Variants in FILIP1L observed in about 807,000 individuals in gnomAD.
FILIP1L encodes the protein filamin A interacting protein 1 like, also known as filamin A-interacting protein 1-like.
A neutral mutation model predicts 96.6 loss-of-function variants in FILIP1L; 55 were observed. That is an observed-to-expected ratio of 0.57 (90% CI 0.46 to 0.71). The LOEUF (loss-of-function observed/expected upper bound fraction) is 0.71. Ranked by LOEUF, FILIP1L falls within the 30% of genes least tolerant of loss-of-function variation. The pLI, the probability that FILIP1L is intolerant of heterozygous loss-of-function variation, is 0.00. For synonymous variants in FILIP1L, 467 were observed against 473.9 expected (o/e 0.99, Z 0.19); for missense variants, 1,304 against 1,321.2 (o/e 0.99, Z 0.20).
At chr3:99,966,345 T>C (rs1205996366) in intron 1 of FILIP1L, among the ~76,000 whole-genome samples, 4 of 152,128 alleles carry the variant, frequency 2.6e-5, no homozygotes, top group Admixed American at 2.0e-4. Context: ...GTTTCTTTCA[T>C]AGCCCCACTG....
At chr3:99,875,396 CT>C (rs1705460545) in intron 4 of FILIP1L, among the ~76,000 whole-genome samples, 1 of 152,124 alleles carries the variant, frequency 6.6e-6, no homozygotes, top group African/African-American at 2.4e-5. Flanking sequence ...AAATATTACT[CT>C]AGAAATGATA....
rs1286527134 is a variant in FILIP1L, at chr3:99,846,560, A to G, written c.3381+1735T>C. Among the ~76,000 whole-genome samples the G allele has an allele frequency of 3.3e-5, 5 of 152,346 alleles. No individual in the cohort carries two copies. The East Asian group carries it at 7.7e-4, about 24-fold the overall frequency. Reference sequence around the variant, plus strand: ...TTGTAATACAGTTGGGTCACTGTTGATTCCTAAGATAAATGTGTTTAAACA... The same window carrying G: ...TTGTAATACAGTTGGGTCACTGTTGGTTCCTAAGATAAATGTGTTTAAACA... On this transcript the variant is annotated intron_variant, in intron 5 of 5. Coordinates refer to ENST00000477258, the MANE Select transcript of FILIP1L (RefSeq NM_001387850.1).
At position 99,850,927 on chromosome 3, in the gene FILIP1L, G is replaced by T. The variant is rs529875731; in HGVS notation, c.749C>A (p.Thr250Lys). Residue 250 changes from threonine (T) to lysine (K), a missense_variant, in exon 5 of 6, where the codon ACG (threonine) becomes AAG (lysine). Physicochemically the swap from Thr to Lys is moderately conservative, Grantham distance 78. Coordinates refer to ENST00000477258, the MANE Select transcript of FILIP1L (RefSeq NM_001387850.1). ...CTGTCTTTGAAGGGTGAGCTGTGCCGTCAGCCTTTGCTGTTCATCCACCAC... is the reference window on the plus strand; with the variant it reads ...CTGTCTTTGAAGGGTGAGCTGTGCCTTCAGCCTTTGCTGTTCATCCACCAC... ...LMVVDEQQRL[T>K]AQLTLQRQKI... The T allele has an allele frequency of 3.6e-5, 58 of 1,614,008 alleles. No individual in the cohort carries two copies. The highest frequency in any genetic ancestry group is 8.3e-5 in the Admixed American group (5 of 60,000).
Position 99,931,014 on chromosome 3 carries a change from A to G in FILIP1L, c.7T>C (p.Ser3Pro), listed in dbSNP as rs1346793399. Residue 3 changes from serine (S) to proline (P), a missense_variant, in exon 2 of 6, where the codon TCC becomes CCC. Coordinates refer to ENST00000477258, the MANE Select transcript of FILIP1L (RefSeq NM_001387850.1). Reference protein sequence around the residue: MRSRGSDTEGSAQ... With the variant: MRPRGSDTEGSAQ... ...GAGCCCTCGGTATCACTGCCTCTGG[A>G]ACGCATTCTTTAAAGCCTGGAAGGA... 1.2e-6 allele frequency: 2 copies of G among 1,613,380 alleles called. No individual in the cohort carries two copies. The highest frequency in any genetic ancestry group is 1.7e-6 in the Non-Finnish European group (2 of 1,179,816).
At chr3:100,015,678 C>G (rs1710319861) in intron 1 of FILIP1L, among the ~76,000 whole-genome samples, 1 of 152,150 alleles carries the variant, frequency 6.6e-6, no homozygotes, top group East Asian at 1.9e-4. Flanking sequence ...GAAACTTGCT[C>G]TTAAATTTTC....
At chr3:99,998,132 G>A (rs866306785) in intron 1 of FILIP1L, among the ~76,000 whole-genome samples, 30 of 152,344 alleles carry the variant, frequency 2.0e-4, no homozygotes, top group Middle Eastern at 3.4e-3. Flanking sequence ...ACTACTGAAA[G>A]AGTTTCTAAT....
chr3:100,041,090 G>A (rs764182819), intron 1 of FILIP1L: 1 of 152,134 alleles, frequency 6.6e-6, no homozygotes, highest in Non-Finnish European at 1.5e-5. Context: ...AGTTGGATGT[G>A]ATCACAGAAG....
chr3:99,930,749 A>G lies in FILIP1L; in HGVS notation c.252+20T>C, dbSNP rs1413650571. The stretch of plus-strand genomic sequence containing the variant: ...GCCTTCTGTTTGAAGCATGATGGGG[A>G]TAACTCCAACCCAGCTGACCTGCAG... On this transcript the variant is annotated intron_variant, in intron 2 of 5. Coordinates refer to ENST00000477258, the MANE Select transcript of FILIP1L (RefSeq NM_001387850.1). 6.2e-7 allele frequency: 1 copy of G among 1,611,224 alleles called. No individual in the cohort carries two copies. Among genetic ancestry groups the G allele is most frequent in the Non-Finnish European group, 8.5e-7 (1 of 1,178,394 alleles).
chr3:99,871,626 T>C (rs1030692839), intron 4 of FILIP1L, among the ~76,000 whole-genome samples: 7 of 152,324 alleles, frequency 4.6e-5, no homozygotes, highest in Non-Finnish European at 8.8e-5. Context: ...GGAGGTTGTT[T>C]TGAAGGCATT....
chr3:99,898,166 A>C (rs142356921), intron 4 of FILIP1L: 1 of 152,358 alleles, frequency 6.6e-6, no homozygotes, highest in Non-Finnish European at 1.5e-5. Flanking sequence ...TAGATATGAT[A>C]CAATATTTTT....
chr3:99,830,364 T>A lies in FILIP1L; in HGVS notation c.*50A>T. On this transcript the variant is annotated 3_prime_UTR_variant, in exon 6 of 6. Transcript: ENST00000477258. The stretch of plus-strand genomic sequence containing the variant: ...GCCTTTCATAGTGGTAATTTTAGCT[T>A]TCCACATATTTCTGTAGATGAATGT... The A allele has an allele frequency of 2.7e-6, 1 of 367,036 alleles. No homozygotes were observed. The highest frequency in any genetic ancestry group is 3.3e-5 in the Admixed American group (1 of 30,368). 22.7% of individuals were successfully genotyped at this position (367,036 alleles called of 1,614,324 possible).
chr3:100,073,586 A>G (rs902872888), intron 1 of FILIP1L, among the ~76,000 whole-genome samples: 1 of 152,194 alleles, frequency 6.6e-6, no homozygotes, highest in Non-Finnish European at 1.5e-5. Flanking sequence ...AGGGAATTCT[A>G]TGAGTAAATA....
intron 1 of FILIP1L, among the ~76,000 whole-genome samples, chr3:99,954,725 C>T (rs529144869): frequency 2.0e-5 from 3 of 152,004 alleles, no homozygotes; most frequent in South Asian, 4.2e-4. Flanking sequence ...ACTCAGGAGG[C>T]TGAGGCAGGA....
At chr3:99,952,234 C>T (rs1052781160) in intron 1 of FILIP1L, among the ~76,000 whole-genome samples, 3 of 151,922 alleles carry the variant, frequency 2.0e-5, no homozygotes, top group African/African-American at 7.3e-5. Flanking sequence ...GATATAGTCT[C>T]TGATCACAAA....
intron 4 of FILIP1L, among the ~76,000 whole-genome samples, chr3:99,877,261 AG>A (rs1445664038): frequency 6.6e-6 from 1 of 152,240 alleles, no homozygotes; most frequent in African/African-American, 2.4e-5. Context: ...ACATTAAAAT[AG>A]GATTGCTTCC....
chr3:100,021,872 C>G (rs2064823349), intron 1 of FILIP1L, among the ~76,000 whole-genome samples: 1 of 147,470 alleles, frequency 6.8e-6, no homozygotes, highest in Non-Finnish European at 1.5e-5. Flanking sequence ...ATAGCTGATA[C>G]TTTATGAAAC....
At chr3:99,955,199 G>A (rs1441640851) in intron 1 of FILIP1L, among the ~76,000 whole-genome samples, 1 of 152,144 alleles carries the variant, frequency 6.6e-6, no homozygotes, top group African/African-American at 2.4e-5. Flanking sequence ...GAACCTGCAG[G>A]TCAGAACTCA....
intron 1 of FILIP1L, among the ~76,000 whole-genome samples, chr3:100,035,729 G>T (rs943537121): frequency 2.6e-5 from 4 of 152,078 alleles, no homozygotes; most frequent in African/African-American, 9.7e-5. Flanking sequence ...TTATTTTATT[G>T]TAATAGAAAA....
At chr3:99,997,862 C>T (rs929356753) in intron 1 of FILIP1L, among the ~76,000 whole-genome samples, 2 of 152,150 alleles carry the variant, frequency 1.3e-5, no homozygotes, top group African/African-American at 4.8e-5. Context: ...TTACACAAAC[C>T]TTAATAAAAT....
Sources: gnomAD v4.1 joint callset for allele counts (sites outside exome capture counted in the v4.1 genomes callset) on GRCh38, gnomAD v4.1.1 for gene constraint, MANE v1.5 for transcripts, NCBI Gene and HGNC (gene_info 2026-07-23, HGNC 2026-07-21) for gene names.